The following BCL2L14 variants were observed in gnomAD, a reference collection of about 807,000 sequenced individuals.
The protein encoded by BCL2L14 is BCL2 like 14.
Under a neutral mutation model 35.3 loss-of-function variants are expected in BCL2L14, and 27 were observed. The ratio of observed to expected loss-of-function variants is 0.76; its 90% CI spans 0.56 to 1.05. The LOEUF (loss-of-function observed/expected upper bound fraction) is 1.05, where lower values mean the gene tolerates loss of function less well. BCL2L14 is among the 50% of genes least tolerant of loss of function. The pLI is 0.00. For synonymous variants in BCL2L14, 139 were observed against 145.9 expected (o/e 0.95, Z 0.34); for missense variants, 377 against 382.6 (o/e 0.99, Z 0.12).
intron 2 of BCL2L14, among the ~76,000 whole-genome samples, chr12:12,061,448 G>T (rs546934647): frequency 9.9e-5 from 15 of 151,992 alleles, no homozygotes; most frequent in East Asian, 7.7e-4. Context: ...GCCTTTTAAA[G>T]CCTATAAACT....
intron 2 of BCL2L14, among the ~76,000 whole-genome samples, chr12:12,060,941 C>T (rs1948514950): frequency 1.8e-5 from 1 of 54,452 alleles, no homozygotes; most frequent in Admixed American, 2.1e-4. Flanking sequence ...AGGGTAAGCC[C>T]GTCCCCTTCT....
chr12:12,067,189 T>C (rs1036140366), upstream of BCL2L14, among the ~76,000 whole-genome samples: 2 of 152,070 alleles, frequency 1.3e-5, no homozygotes, highest in Non-Finnish European at 2.9e-5. Flanking sequence ...GGATGAATAT[T>C]TTTAGTGCTA....
At chr12:12,087,174 C>A (rs529514787) in intron 2 of BCL2L14, 39 bp from the exon 3 acceptor site, 37 of 1,603,352 alleles carry the variant, frequency 2.3e-5, no homozygotes, top group Non-Finnish European at 2.9e-5. Context: ...AGATGAAGTT[C>A]TGGGAAGGGC....
chr12:12,068,508 T>C (rs1033311374), upstream of BCL2L14, among the ~76,000 whole-genome samples: 1 of 152,086 alleles, frequency 6.6e-6, no homozygotes, highest in Non-Finnish European at 1.5e-5. Context: ...GCTCAAGCAA[T>C]CTTTCTGTCT....
At chr12:12,082,310 C>A (rs1948945944) in intron 2 of BCL2L14, among the ~76,000 whole-genome samples, 2 of 152,186 alleles carry the variant, frequency 1.3e-5, no homozygotes, top group African/African-American at 2.4e-5. Flanking sequence ...CCCCTGTGGT[C>A]CTTCCCTCCA....
intron 5 of BCL2L14, 115 bp from the exon 6 acceptor site, chr12:12,098,835 C>T: frequency 1.3e-6 from 1 of 765,774 alleles, no homozygotes; most frequent in African/African-American, 1.7e-5. Context: ...CCCAAACTAA[C>T]ATGGTCTCCT....
chr12:12,095,467 T>G, intron 5 of BCL2L14: 1 of 985,324 alleles, frequency 1.0e-6, no homozygotes, highest in Non-Finnish European at 1.2e-6. Flanking sequence ...TTACCTGGTA[T>G]CAGTCAAAAC....
chr12:12,053,461 C>T lies in BCL2L14; in HGVS notation c.-272+1614C>T, dbSNP rs536863457. Among the ~76,000 whole-genome samples, 17 of 150,914 alleles carry T rather than the reference C, an allele frequency of 1.1e-4. No individual in the cohort carries two copies. In the East Asian group the frequency reaches 2.3e-3, roughly 21 times the overall value. On this transcript the variant is annotated intron_variant, in intron 2 of 3. Coordinates refer to the BCL2L14 transcript ENST00000461264. ...TTGAGACGAAGTTTCACTCTTGTTG[C>T]CCAGGCTGGAGTGCAATGGCGCAAT...
chr12:12,066,042 C>T (rs111899356), upstream of BCL2L14, among the ~76,000 whole-genome samples: 19,551 of 152,132 alleles, frequency 0.13, 1,318 homozygotes, highest in Admixed American at 0.18. Context: ...CCACCCACCT[C>T]GGCCTCCCAA....
chr12:12,051,345 G>A (rs1227364162), intron 1 of BCL2L14, among the ~76,000 whole-genome samples: 1 of 152,160 alleles, frequency 6.6e-6, no homozygotes, highest in East Asian at 1.9e-4. Context: ...GTAGCTACAT[G>A]GGAACCTAAA....
At chr12:12,089,443 C>G (rs943713920) in intron 3 of BCL2L14, among the ~76,000 whole-genome samples, 1 of 151,826 alleles carries the variant, frequency 6.6e-6, no homozygotes, top group Non-Finnish European at 1.5e-5. Flanking sequence ...CGTCTGTAAT[C>G]CCAGCACTTC....
intron 2 of BCL2L14, among the ~76,000 whole-genome samples, chr12:12,056,243 T>C (rs991838132): frequency 6.6e-6 from 1 of 152,202 alleles, no homozygotes. Flanking sequence ...TAGTCCCGGA[T>C]AAAATCTGCC....
intron 5 of BCL2L14, chr12:12,096,129 C>G (rs1167964525): frequency 1.0e-6 from 1 of 985,166 alleles, no homozygotes; most frequent in African/African-American, 1.7e-5. Context: ...TAATCTCCAG[C>G]ACTTCATGTT....
intron 2 of BCL2L14, among the ~76,000 whole-genome samples, chr12:12,085,506 C>A (rs904604968): frequency 6.6e-6 from 1 of 152,186 alleles, no homozygotes; most frequent in Non-Finnish European, 1.5e-5. Flanking sequence ...TCTTAAAAAA[C>A]GAGGAGGAAA....
chr12:12,061,859 C>G (rs1428060285), intron 2 of BCL2L14, among the ~76,000 whole-genome samples: 1 of 152,174 alleles, frequency 6.6e-6, no homozygotes, highest in Non-Finnish European at 1.5e-5. Context: ...CCCTGCTGAT[C>G]GTGTCCGATT....
At chr12:12,097,974 T>A (rs1226423283) in intron 5 of BCL2L14, among the ~76,000 whole-genome samples, 1 of 152,186 alleles carries the variant, frequency 6.6e-6, no homozygotes, top group Non-Finnish European at 1.5e-5. Flanking sequence ...ACAGTTAAGT[T>A]TAATTTGGAG....
At chr12:12,085,586 T>C (rs1271429589) in intron 2 of BCL2L14, among the ~76,000 whole-genome samples, 1 of 152,238 alleles carries the variant, frequency 6.6e-6, no homozygotes, top group Non-Finnish European at 1.5e-5. Context: ...TTGAACCCTG[T>C]GGACTAACCA....
Position 12,094,568 on chromosome 12 carries a change from G to GA in BCL2L14, c.679-95dup, listed in dbSNP as rs538608614. The GA allele has an allele frequency of 1.4e-5, 22 of 1,614,226 alleles. No homozygotes were observed. The East Asian group carries it at 4.2e-4, about 31-fold the overall frequency. The stretch of plus-strand genomic sequence containing the variant: ...CACCAGCATCCAGGGTTTTCCACAG[G>GA]ATGGTTTGATGGCCTGCATTTGAGC... On this transcript the variant is annotated intron_variant, in intron 4 of 5. Coordinates refer to ENST00000308721, the MANE Select transcript of BCL2L14 (RefSeq NM_138723.2).
At chr12:12,094,362 G>A (rs1012362856) in intron 4 of BCL2L14, 7 of 704,942 alleles carry the variant, frequency 9.9e-6, no homozygotes, top group South Asian at 3.4e-5. Context: ...GTGAGGACCC[G>A]CATCTCAGTC....
Sources: gnomAD v4.1 joint callset for allele counts (sites outside exome capture counted in the v4.1 genomes callset) on GRCh38, gnomAD v4.1.1 for gene constraint, MANE v1.5 for transcripts, NCBI Gene and HGNC (gene_info 2026-07-23, HGNC 2026-07-21) for gene names.